IL1RAPL2: variants seen among roughly 807,000 people sequenced by gnomAD.
The protein encoded by IL1RAPL2 is X-linked interleukin-1 receptor accessory protein-like 2.
IL1RAPL2 carries 3 observed loss-of-function variants against 44.1 expected under a neutral mutation model. The observed-to-expected ratio is 0.07, with a 90% CI of 0.03 to 0.18. IL1RAPL2 has a LOEUF of 0.18. IL1RAPL2 is among the 10% of genes least tolerant of loss of function. The pLI is 1.00. For missense variants in IL1RAPL2, 391 were observed against 496.4 expected (o/e 0.79, Z 2.02); for synonymous variants, 181 against 178.8 (o/e 1.01, Z -0.10).
intron 6 of IL1RAPL2, among the ~76,000 whole-genome samples, chrX:105,598,479 G>T (rs2037228043): frequency 9.0e-6 from 1 of 111,218 alleles, no homozygotes; most frequent in Non-Finnish European, 1.9e-5. Flanking sequence ...GAAACTATGT[G>T]AGGTGATGGA....
intron 2 of IL1RAPL2, among the ~76,000 whole-genome samples, chrX:104,910,276 C>G (rs767279170): frequency 8.9e-6 from 1 of 112,048 alleles, no homozygotes; most frequent in Non-Finnish European, 1.9e-5. Flanking sequence ...TGAGACGAAC[C>G]CGGTGCCTAG....
At chrX:105,219,551 C>T in intron 3 of IL1RAPL2, 1 of 1,209,525 alleles carries the variant, frequency 8.3e-7, no homozygotes, top group East Asian at 3.0e-5. Context: ...GCCCCAGCCT[C>T]CACAGGGGGA....
At chrX:105,412,527 C>T (rs375612585) in intron 5 of IL1RAPL2, among the ~76,000 whole-genome samples, 12 of 109,445 alleles carry the variant, frequency 1.1e-4, no homozygotes, top group South Asian at 3.9e-4. Context: ...AGTAGAACAA[C>T]GGTAATAAGG....
At chrX:105,737,848 G>A (rs1340272984) in intron 7 of IL1RAPL2, among the ~76,000 whole-genome samples, 1 of 111,767 alleles carries the variant, frequency 8.9e-6, no homozygotes, top group Non-Finnish European at 1.9e-5. Flanking sequence ...TCCCAATTTT[G>A]TCTTGGTTAG....
chrX:104,941,862 G>A lies in IL1RAPL2; in HGVS notation c.83-253613G>A, dbSNP rs59507876. ...AACATTTAAGTCTTTAATCCATCTT[G>A]AATTAATTGTTGTATAAGGCATAAG... is the stretch of plus-strand genomic sequence containing the variant. On this transcript the variant is annotated intron_variant, in intron 2 of 10. Transcript: ENST00000372582. Among the ~76,000 whole-genome samples, 326 of 111,835 alleles carry A rather than the reference G, an allele frequency of 2.9e-3. 2 individuals are homozygous for A. Among genetic ancestry groups the A allele is most frequent in the African/African-American group, 0.01 (309 of 30,768 alleles).
chrX:105,031,607 G>C (rs1442036692), intron 2 of IL1RAPL2, among the ~76,000 whole-genome samples: 2 of 111,781 alleles, frequency 1.8e-5, no homozygotes, highest in Non-Finnish European at 3.8e-5. Flanking sequence ...CTTGAGCATG[G>C]TGTATAAGCT....
chrX:104,675,306 T>C (rs969338432), intron 2 of IL1RAPL2, among the ~76,000 whole-genome samples: 4 of 111,742 alleles, frequency 3.6e-5, no homozygotes, highest in African/African-American at 1.3e-4. Context: ...GTGTCTTTGT[T>C]CTCATTGGTT....
At chrX:105,413,450 G>A (rs371694262) in intron 5 of IL1RAPL2, among the ~76,000 whole-genome samples, 1 of 111,399 alleles carries the variant, frequency 9.0e-6, no homozygotes, top group South Asian at 3.8e-4. Flanking sequence ...GCAGGAGAGG[G>A]AGTCAGTCCA....
intron 2 of IL1RAPL2, among the ~76,000 whole-genome samples, chrX:104,733,263 T>G (rs1468934837): frequency 9.0e-6 from 1 of 111,224 alleles, no homozygotes; most frequent in Non-Finnish European, 1.9e-5. Context: ...CCAAAACTTA[T>G]TGTGAAAGAA....
At position 105,326,478 on chromosome X, in the gene IL1RAPL2, T is replaced by C. The variant is rs145584596; in HGVS notation, c.697+58937T>C. 7.9e-3 allele frequency among the ~76,000 whole-genome samples: 877 copies of C among 111,668 alleles called. 13 individuals carry two copies. The highest frequency in any genetic ancestry group is 0.027 in the African/African-American group (841 of 30,725). ...GTGTTGTTGTCTTACCTACAAAATC[T>C]TTGTCTAACCCAATATTACAAAGAT... On this transcript the variant is annotated intron_variant, in intron 5 of 10. Coordinates refer to ENST00000372582, the MANE Select transcript of IL1RAPL2 (RefSeq NM_017416.2).
chrX:105,305,920 C>G (rs886131953), intron 5 of IL1RAPL2, among the ~76,000 whole-genome samples: 35 of 111,105 alleles, frequency 3.2e-4, no homozygotes, highest in Admixed American at 4.8e-4. Context: ...TTTTCAAAAT[C>G]CAGGGTTTTT....
chrX:105,585,001 T>C (rs1010898953), intron 6 of IL1RAPL2, among the ~76,000 whole-genome samples: 2 of 110,856 alleles, frequency 1.8e-5, no homozygotes, highest in Non-Finnish European at 3.8e-5. Flanking sequence ...TCCTTTGGAG[T>C]GTTTAATCTA....
At chrX:104,937,142 A>G (rs755208937) in intron 2 of IL1RAPL2, among the ~76,000 whole-genome samples, 1 of 112,413 alleles carries the variant, frequency 8.9e-6, no homozygotes, top group East Asian at 2.8e-4. Context: ...GAGTTTGCTC[A>G]TATGTCTTGA....
At chrX:105,651,833 T>C (rs1408242411) in intron 6 of IL1RAPL2, among the ~76,000 whole-genome samples, 1 of 112,139 alleles carries the variant, frequency 8.9e-6, no homozygotes, top group African/African-American at 3.2e-5. Flanking sequence ...GTGCACGCTT[T>C]GCACAGTATT....
At chrX:105,348,678 A>G (rs926240444) in intron 5 of IL1RAPL2, among the ~76,000 whole-genome samples, 15 of 111,636 alleles carry the variant, frequency 1.3e-4, no homozygotes, top group African/African-American at 4.9e-4. Context: ...CCAGGGAGGA[A>G]AGGCTTTATT....
At chrX:105,323,871 G>GTC (rs1037695254) in intron 5 of IL1RAPL2, among the ~76,000 whole-genome samples, 2 of 96,199 alleles carry the variant, frequency 2.1e-5, no homozygotes, top group Non-Finnish European at 3.9e-5. Flanking sequence ...GTGAGACTCT[G>GTC]TCACACACAC....
At chrX:105,028,627 GGAGT>G (rs1323323217) in intron 2 of IL1RAPL2, among the ~76,000 whole-genome samples, 2 of 111,141 alleles carry the variant, frequency 1.8e-5, no homozygotes, top group African/African-American at 6.5e-5. Flanking sequence ...ATTAACATCT[GGAGT>G]GAGTCAGTGT....
chrX:104,603,891 T>C (rs771242669), intron 1 of IL1RAPL2, among the ~76,000 whole-genome samples: 2 of 112,082 alleles, frequency 1.8e-5, no homozygotes, highest in South Asian at 7.5e-4. Context: ...TTCAGGATAC[T>C]ATCCAGGAGA....
chrX:105,629,003 A>G (rs957142236), intron 6 of IL1RAPL2, among the ~76,000 whole-genome samples: 2 of 111,687 alleles, frequency 1.8e-5, no homozygotes, highest in Non-Finnish European at 3.8e-5. Flanking sequence ...ATGTCTGTGG[A>G]CAAGAATCAC....
Sources: gnomAD v4.1 joint callset for allele counts (sites outside exome capture counted in the v4.1 genomes callset) on GRCh38, gnomAD v4.1.1 for gene constraint, MANE v1.5 for transcripts, NCBI Gene and HGNC (gene_info 2026-07-23, HGNC 2026-07-21) for gene names.